IL1RAPL2: variants seen among roughly 807,000 people sequenced by gnomAD.
IL1RAPL2 encodes the protein X-linked interleukin-1 receptor accessory protein-like 2.
Under a neutral mutation model 44.1 loss-of-function variants are expected in IL1RAPL2, and 3 were observed. That is an observed-to-expected ratio of 0.07 (90% CI 0.03 to 0.18). IL1RAPL2 has a LOEUF of 0.18. IL1RAPL2 is among the 10% of genes least tolerant of loss of function. The pLI, the probability that IL1RAPL2 is intolerant of heterozygous loss-of-function variation, is 1.00. For synonymous variants in IL1RAPL2, 181 were observed against 178.8 expected, an observed-to-expected ratio of 1.01 and a Z score of -0.10; for missense variants, 391 against 496.4, an observed-to-expected ratio of 0.79 and a Z score of 2.02.
chrX:104,714,515 GTGCCTTT>G (rs1285535287), intron 2 of IL1RAPL2, among the ~76,000 whole-genome samples: 3 of 110,834 alleles, frequency 2.7e-5, no homozygotes, highest in African/African-American at 9.8e-5. Flanking sequence ...CTGTTAAGTG[GTGCCTTT>G]TGCTGTGATT....
At chrX:105,334,291 T>A (rs2035011493) in intron 5 of IL1RAPL2, among the ~76,000 whole-genome samples, 1 of 111,642 alleles carries the variant, frequency 9.0e-6, no homozygotes, top group Non-Finnish European at 1.9e-5. Flanking sequence ...TTCTCACTTA[T>A]CTGTGGGATC....
intron 2 of IL1RAPL2, among the ~76,000 whole-genome samples, chrX:105,046,074 A>G (rs180813170): frequency 2.0e-4 from 22 of 111,510 alleles, no homozygotes; most frequent in African/African-American, 6.8e-4. Context: ...TAAGACTTCC[A>G]GATCCTCATA....
chrX:105,318,026 G>A lies in IL1RAPL2; in HGVS notation c.697+50485G>A, dbSNP rs191422627. The stretch of plus-strand genomic sequence containing the variant: ...CTCGCTCTGTCGCCCAGGCTGGAGT[G>A]CAGTGGCGCGATCTCGGCTCACTGC... On this transcript the variant is annotated intron_variant, in intron 5 of 10. Transcript: ENST00000372582. 4.9e-3 allele frequency among the ~76,000 whole-genome samples: 520 copies of A among 106,537 alleles called. 5 individuals carry two copies. The highest frequency in any genetic ancestry group is 0.017 in the African/African-American group (493 of 29,211). 92.5% of individuals were successfully genotyped at this position (106,537 alleles called of 115,157 possible).
At chrX:104,592,176 TGTGTG>T (rs1228200643) in intron 1 of IL1RAPL2, among the ~76,000 whole-genome samples, 4 of 105,196 alleles carry the variant, frequency 3.8e-5, no homozygotes, top group African/African-American at 1.4e-4. Flanking sequence ...TGTGTGTGTG[TGTGTG>T]TGTGTGTGTG....
intron 1 of IL1RAPL2, among the ~76,000 whole-genome samples, chrX:104,637,249 A>G (rs1343815872): frequency 9.0e-6 from 1 of 110,851 alleles, no homozygotes; most frequent in Non-Finnish European, 1.9e-5. Flanking sequence ...TTTTTTCTAG[A>G]TCATGGCATC....
At chrX:105,470,008 A>C (rs2036155539) in intron 5 of IL1RAPL2, among the ~76,000 whole-genome samples, 1 of 111,322 alleles carries the variant, frequency 9.0e-6, no homozygotes, top group Admixed American at 9.6e-5. Flanking sequence ...CACTAGACAT[A>C]AAATAGAATG....
chrX:104,787,711 A>C (rs1209192408), intron 2 of IL1RAPL2, among the ~76,000 whole-genome samples: 2 of 112,097 alleles, frequency 1.8e-5, no homozygotes, highest in East Asian at 5.6e-4. Flanking sequence ...AGGCTAGCAC[A>C]GTTGTTCTTA....
intron 6 of IL1RAPL2, among the ~76,000 whole-genome samples, chrX:105,585,538 C>T (rs1177842907): frequency 9.1e-6 from 1 of 110,398 alleles, no homozygotes; most frequent in Non-Finnish European, 1.9e-5. Context: ...ACAACAGCCC[C>T]CAGTATGTGT....
chrX:105,658,235 T>C lies in IL1RAPL2; in HGVS notation c.773-59132T>C, dbSNP rs767288820. Among the ~76,000 whole-genome samples, 13 of 111,227 alleles carry C rather than the reference T, an allele frequency of 1.2e-4. No homozygotes were observed. In the South Asian group the frequency reaches 5.0e-3, roughly 43 times the overall value. On this transcript the variant is annotated intron_variant, in intron 6 of 10. Coordinates refer to ENST00000372582, the MANE Select transcript of IL1RAPL2 (RefSeq NM_017416.2). ...AGTGTGGAGAGAGTGACTCCATTTG[T>C]TTAGGGGAAAGTAAGGGAAGAGAAC...
chrX:105,337,576 G>A (rs775763216), intron 5 of IL1RAPL2, among the ~76,000 whole-genome samples: 1 of 111,971 alleles, frequency 8.9e-6, no homozygotes, highest in Non-Finnish European at 1.9e-5. Context: ...GGGAGGGCCC[G>A]TGATGATTGA....
At chrX:105,611,707 C>A (rs924042743) in intron 6 of IL1RAPL2, among the ~76,000 whole-genome samples, 2 of 111,828 alleles carry the variant, frequency 1.8e-5, no homozygotes, top group African/African-American at 6.5e-5. Flanking sequence ...CAACTCATTT[C>A]TCAGAACATA....
At position 104,866,494 on chromosome X, in the gene IL1RAPL2, T is replaced by G. The variant is rs369463215; in HGVS notation, c.82+207499T>G. Among the ~76,000 whole-genome samples, 9 of 112,118 alleles carry G rather than the reference T, an allele frequency of 8.0e-5. No homozygotes were observed. The East Asian group carries it at 1.4e-3, about 17-fold the overall frequency. ...ACCACCTCTTTTTGTAAATAAAGTT[T>G]TATTGAAACATATTTATGCTCATTT... On this transcript the variant is annotated intron_variant, in intron 2 of 10. Coordinates refer to ENST00000372582, the MANE Select transcript of IL1RAPL2 (RefSeq NM_017416.2).
intron 1 of IL1RAPL2, among the ~76,000 whole-genome samples, chrX:104,622,500 C>CT (rs11349452): frequency 7.1e-4 from 74 of 103,783 alleles, no homozygotes; most frequent in South Asian, 1.3e-3. Context: ...CAAACTTGTG[C>CT]TTTTTTTTTT....
intron 2 of IL1RAPL2, among the ~76,000 whole-genome samples, chrX:105,063,184 A>G (rs2032096470): frequency 9.0e-6 from 1 of 111,312 alleles, no homozygotes. Context: ...CAAGCTCACT[A>G]ATTATTTCTT....
chrX:104,846,304 A>T (rs1922049394), intron 2 of IL1RAPL2, among the ~76,000 whole-genome samples: 1 of 110,152 alleles, frequency 9.1e-6, no homozygotes, highest in African/African-American at 3.3e-5. Context: ...CCATTAACTC[A>T]TCATTTACAT....
At chrX:104,696,359 G>A (rs1024469037) in intron 2 of IL1RAPL2, among the ~76,000 whole-genome samples, 2 of 112,087 alleles carry the variant, frequency 1.8e-5, no homozygotes, top group Non-Finnish European at 3.8e-5. Flanking sequence ...TGCACCCTTA[G>A]TACTCAAAGT....
intron 1 of IL1RAPL2, among the ~76,000 whole-genome samples, chrX:104,582,639 TCTC>T (rs1569487520): frequency 2.4e-5 from 2 of 83,834 alleles, no homozygotes; most frequent in African/African-American, 6.0e-5. Context: ...TTTCTTTCTT[TCTC>T]TCTTTCTTTC....
chrX:104,882,812 C>T (rs934723184), intron 2 of IL1RAPL2, among the ~76,000 whole-genome samples: 2 of 111,841 alleles, frequency 1.8e-5, no homozygotes, highest in Non-Finnish European at 3.8e-5. Context: ...GTCCGCACTA[C>T]CTTTATGAGC....
chrX:105,078,419 A>T (rs5916861), intron 2 of IL1RAPL2, among the ~76,000 whole-genome samples: 1 of 109,669 alleles, frequency 9.1e-6, no homozygotes, highest in Non-Finnish European at 1.9e-5. Context: ...AGTACCCGGG[A>T]GTGTGAGGTG....
Sources: allele counts gnomAD v4.1 joint callset (sites outside exome capture counted in the v4.1 genomes callset), GRCh38; gene constraint gnomAD v4.1.1; transcripts MANE v1.5; gene names NCBI Gene and HGNC (gene_info 2026-07-23, HGNC 2026-07-21).